Variants in GMDS observed in about 807,000 individuals in gnomAD.
GMDS encodes GDP-mannose 4,6 dehydratase.
Under a neutral mutation model 49.9 loss-of-function variants are expected in GMDS, and 20 were observed. The observed-to-expected ratio is 0.40, with a 90% CI of 0.28 to 0.58. The LOEUF is 0.58. Among genes scored for constraint, GMDS ranks in the 20% least tolerant of loss-of-function variants. GMDS has a pLI of 0.42. For synonymous variants in GMDS, 177 were observed against 178.6 expected, an observed-to-expected ratio of 0.99 and a Z score of 0.07; for missense variants, 362 against 481.4, an observed-to-expected ratio of 0.75 and a Z score of 2.32.
intron 9 of GMDS, among the ~76,000 whole-genome samples, chr6:1,641,602 C>T (rs1378755168): frequency 6.6e-6 from 1 of 152,190 alleles, no homozygotes; most frequent in Non-Finnish European, 1.5e-5. Flanking sequence ...CAGAAGGTCC[C>T]GTGGAGAGGC....
intron 9 of GMDS, among the ~76,000 whole-genome samples, chr6:1,642,168 T>A (rs1763350778): frequency 6.7e-6 from 1 of 149,858 alleles, no homozygotes; most frequent in South Asian, 2.1e-4. Flanking sequence ...TTTTTTTTTT[T>A]TTTTTTTTTT....
At position 1,959,985 on chromosome 6, in the gene GMDS, T is replaced by A. The variant is rs762105578; in HGVS notation, c.539-14A>T. On this transcript the variant is annotated splice_polypyrimidine_tract_variant and intron_variant, in intron 5 of 10. Transcript: ENST00000380815. Reference sequence around the variant, plus strand: ...GTTTTGCTGCCCCTGTTGGAATAATTTTTTTTAAGCAATGAAGTTTGTTGT... The same window carrying A: ...GTTTTGCTGCCCCTGTTGGAATAATATTTTTTAAGCAATGAAGTTTGTTGT... The A allele has an allele frequency of 3.9e-6, 6 of 1,521,100 alleles. No homozygotes were observed. 94.2% of individuals were successfully genotyped at this position (1,521,100 alleles called of 1,614,324 possible).
intron 7 of GMDS, among the ~76,000 whole-genome samples, chr6:1,801,428 A>T (rs1018660392): frequency 1.3e-5 from 2 of 152,252 alleles, no homozygotes; most frequent in Non-Finnish European, 2.9e-5. Flanking sequence ...GACCATGAAT[A>T]TCAGAGATTC....
In GMDS at chr6:1,897,489, T is replaced by C. The variant is rs372290541; in HGVS notation, c.771+32614A>G. 3.8e-4 allele frequency among the ~76,000 whole-genome samples: 58 copies of C among 152,264 alleles called. No homozygotes were observed. The South Asian group carries it at 0.012, about 30-fold the overall frequency. ...GGAGCTTAATGTGGGGTTGAGAGCA[T>C]GGTTAAATTGCGTGGAGTCCAGGTT... On this transcript the variant is annotated intron_variant, in intron 7 of 10. Coordinates refer to ENST00000380815, the MANE Select transcript of GMDS (RefSeq NM_001500.4).
intron 4 of GMDS, among the ~76,000 whole-genome samples, chr6:2,093,437 G>A (rs1773429249): frequency 6.6e-6 from 1 of 152,078 alleles, no homozygotes; most frequent in African/African-American, 2.4e-5. Flanking sequence ...CAAATGATCA[G>A]CAAAGATTCA....
At chr6:1,784,049 T>TA (rs1165001355) in intron 7 of GMDS, among the ~76,000 whole-genome samples, 2 of 151,778 alleles carry the variant, frequency 1.3e-5, no homozygotes, top group Admixed American at 6.6e-5. Flanking sequence ...CTAACAGGAG[T>TA]AAAAAAAATT....
chr6:1,798,614 C>T (rs1769829554), intron 7 of GMDS, among the ~76,000 whole-genome samples: 1 of 152,176 alleles, frequency 6.6e-6, no homozygotes. Flanking sequence ...TAAAGCCAGC[C>T]ACCCGCTGAA....
intron 7 of GMDS, among the ~76,000 whole-genome samples, chr6:1,779,947 C>T (rs1188106600): frequency 6.6e-6 from 1 of 152,310 alleles, no homozygotes; most frequent in African/African-American, 2.4e-5. Flanking sequence ...AATCCTGCCT[C>T]GGTTGGCTGA....
chr6:2,145,804 G>A (rs530359886), intron 1 of GMDS, among the ~76,000 whole-genome samples: 3 of 152,280 alleles, frequency 2.0e-5, no homozygotes, highest in African/African-American at 7.2e-5. Context: ...GAGACAAGAG[G>A]ATGCCTTGGG....
At chr6:1,670,409 C>A (rs1193944085) in intron 9 of GMDS, among the ~76,000 whole-genome samples, 2 of 149,468 alleles carry the variant, frequency 1.3e-5, no homozygotes, top group Non-Finnish European at 3.0e-5. Context: ...ATGAGGACAG[C>A]ATTAGACAAA....
intron 6 of GMDS, among the ~76,000 whole-genome samples, chr6:1,948,152 C>A (rs527583847): frequency 1.3e-5 from 2 of 152,078 alleles, no homozygotes; most frequent in African/African-American, 4.8e-5. Context: ...GAGAAACTGG[C>A]CAGAGTTGTT....
intron 7 of GMDS, among the ~76,000 whole-genome samples, chr6:1,806,901 A>T (rs1316765399): frequency 6.6e-6 from 1 of 152,138 alleles, no homozygotes; most frequent in Admixed American, 6.5e-5. Flanking sequence ...TCATTCAACC[A>T]CTCCAGCCTT....
intron 1 of GMDS, among the ~76,000 whole-genome samples, chr6:2,203,231 A>C (rs938016146): frequency 6.6e-6 from 1 of 152,202 alleles, no homozygotes; most frequent in African/African-American, 2.4e-5. Flanking sequence ...GATTCAATGT[A>C]GTTTTTCCTG....
At chr6:1,893,294 A>G (rs980435734) in intron 7 of GMDS, among the ~76,000 whole-genome samples, 2 of 151,348 alleles carry the variant, frequency 1.3e-5, no homozygotes, top group Admixed American at 1.3e-4. Context: ...CCCGGGTTCA[A>G]GCCATTCTCC....
intron 4 of GMDS, among the ~76,000 whole-genome samples, chr6:2,099,276 T>A (rs1290140022): frequency 6.6e-6 from 1 of 152,160 alleles, no homozygotes; most frequent in Non-Finnish European, 1.5e-5. Flanking sequence ...AATAGAAATT[T>A]CTGCAAAGTT....
At chr6:1,754,134 T>C (rs6911480) in intron 7 of GMDS, among the ~76,000 whole-genome samples, 84,865 of 151,834 alleles carry the variant, frequency 0.56, 24,379 homozygotes, top group African/African-American at 0.68. Context: ...AGGTAGACTG[T>C]TATCCAGAAT....
In GMDS at chr6:2,153,314, A is replaced by C. The variant is rs553624000; in HGVS notation, c.103-28583T>G. ...TTTAAGAAGGACACAAAATCCAGAG[A>C]TCATAAAGGAAAAAGACTGATAATC... On this transcript the variant is annotated intron_variant, in intron 1 of 10. Coordinates refer to ENST00000380815, the MANE Select transcript of GMDS (RefSeq NM_001500.4). Among the ~76,000 whole-genome samples the C allele has an allele frequency of 1.4e-4, 21 of 152,338 alleles. No homozygotes were observed. The East Asian group carries it at 3.5e-3, about 25-fold the overall frequency.
At chr6:2,110,900 T>G in intron 4 of GMDS, among the ~76,000 whole-genome samples, 1 of 152,100 alleles carries the variant, frequency 6.6e-6, no homozygotes. Context: ...AAAATCCTTT[T>G]CAAAACTAAA....
At chr6:1,847,950 AT>A (rs1389881706) in intron 7 of GMDS, among the ~76,000 whole-genome samples, 1 of 152,186 alleles carries the variant, frequency 6.6e-6, no homozygotes, top group Admixed American at 6.5e-5. Flanking sequence ...AAAGAGAAGT[AT>A]AAGACACCCT....
Sources: gnomAD v4.1 joint callset for allele counts (sites outside exome capture counted in the v4.1 genomes callset) on GRCh38, gnomAD v4.1.1 for gene constraint, MANE v1.5 for transcripts, NCBI Gene and HGNC (gene_info 2026-07-23, HGNC 2026-07-21) for gene names.